Variants in PHACTR1 observed in about 807,000 individuals in gnomAD.
PHACTR1 encodes the protein RPEL repeat containing 1.
Under a neutral mutation model 69.2 loss-of-function variants are expected in PHACTR1, and 16 were observed. That is an observed-to-expected ratio of 0.23 (90% CI 0.16 to 0.35). The LOEUF is 0.35. Ranked by LOEUF, PHACTR1 falls within the 10% of genes least tolerant of loss-of-function variation. The probability of loss-of-function intolerance (pLI) is 1.00; values close to 1 mark genes in which losing one functional copy is unlikely to be tolerated. For synonymous variants in PHACTR1, 312 were observed against 284.5 expected (o/e 1.10, Z -0.97); for missense variants, 510 against 734.7 (o/e 0.69, Z 3.54).
intron 5 of PHACTR1, among the ~76,000 whole-genome samples, chr6:13,159,632 G>T (rs974869187): frequency 6.6e-6 from 1 of 152,132 alleles, no homozygotes; most frequent in Non-Finnish European, 1.5e-5. Flanking sequence ...CATAAATTGG[G>T]GTTCAATTAA....
intron 4 of PHACTR1, among the ~76,000 whole-genome samples, chr6:12,875,954 ATAATAAAGCTAAGGAGGT>A (rs1395865558): frequency 8.5e-5 from 13 of 152,204 alleles, no homozygotes; most frequent in Non-Finnish European, 1.8e-4. Flanking sequence ...GCCCAACGTT[ATAATAAAGCTAAGGAGGT>A]TAGGAACACG....
intron 4 of PHACTR1, among the ~76,000 whole-genome samples, chr6:12,752,122 C>T (rs1294945867): frequency 2.6e-5 from 4 of 152,214 alleles, no homozygotes; most frequent in Admixed American, 2.6e-4. Flanking sequence ...TTTGCGCCAA[C>T]TGCTCACTCC....
intron 11 of PHACTR1, among the ~76,000 whole-genome samples, chr6:13,277,581 G>C (rs1584401947): frequency 6.6e-6 from 1 of 152,144 alleles, no homozygotes; most frequent in African/African-American, 2.4e-5. Flanking sequence ...AAGAATGAGT[G>C]AGCCCCAGTC....
chr6:12,855,094 A>T (rs1183488475), intron 4 of PHACTR1, among the ~76,000 whole-genome samples: 1 of 152,254 alleles, frequency 6.6e-6, no homozygotes, highest in African/African-American at 2.4e-5. Context: ...ACTCATATTT[A>T]TCATAACATT....
intron 12 of PHACTR1, among the ~76,000 whole-genome samples, chr6:13,282,915 C>T (rs552431394): frequency 6.6e-6 from 1 of 151,998 alleles, no homozygotes; most frequent in African/African-American, 2.4e-5. Context: ...TGTTTACTAT[C>T]GATTTGTATA....
chr6:12,933,615 T>A, intron 4 of PHACTR1: 1 of 1,612,018 alleles, frequency 6.2e-7, no homozygotes, highest in Non-Finnish European at 8.5e-7. Flanking sequence ...AATGTCTTCA[T>A]GTTTCCACAA....
intron 4 of PHACTR1, among the ~76,000 whole-genome samples, chr6:12,915,142 C>T (rs1045269186): frequency 6.6e-6 from 1 of 152,106 alleles, no homozygotes; most frequent in Non-Finnish European, 1.5e-5. Context: ...GCTGGGGAGC[C>T]TTTGGATGTC....
At chr6:12,956,445 G>A (rs1791908208) in intron 4 of PHACTR1, among the ~76,000 whole-genome samples, 1 of 152,174 alleles carries the variant, frequency 6.6e-6, no homozygotes, top group African/African-American at 2.4e-5. Flanking sequence ...GACAGGGACT[G>A]GGGGCATTGA....
rs537076110 is a variant in PHACTR1, at chr6:12,933,934, G to A, written c.251-119431G>A. On this transcript the variant is annotated intron_variant, in intron 4 of 14. Transcript: ENST00000332995. ...TGGTCCATATGGGAAGGGAAAATGC[G>A]GGTTGGCGTGTGTATTCATTTCCTA... is the stretch of plus-strand genomic sequence containing the variant. 137 of 1,603,712 alleles carry A rather than the reference G, an allele frequency of 8.5e-5. 1 individual carries two copies. The highest frequency in any genetic ancestry group is 7.3e-4 in the Admixed American group (43 of 59,206).
At chr6:12,904,647 C>T (rs1033954395) in intron 4 of PHACTR1, among the ~76,000 whole-genome samples, 19 of 152,128 alleles carry the variant, frequency 1.2e-4, no homozygotes, top group African/African-American at 4.3e-4. Flanking sequence ...CCTAACACCT[C>T]TTTGACTTGG....
intron 4 of PHACTR1, among the ~76,000 whole-genome samples, chr6:12,991,016 G>A (rs1293734709): frequency 6.6e-6 from 1 of 152,140 alleles, no homozygotes; most frequent in African/African-American, 2.4e-5. Flanking sequence ...GGCGAGGCAG[G>A]CCAAAAAGGC....
At chr6:12,773,781 C>CAAAAATACCT (rs1554136706) in intron 4 of PHACTR1, among the ~76,000 whole-genome samples, 1 of 152,174 alleles carries the variant, frequency 6.6e-6, no homozygotes, top group African/African-American at 2.4e-5. Context: ...CAAACTTTGA[C>CAAAAATACCT]AAAAATACCT....
chr6:13,002,741 C>A (rs569090425), intron 4 of PHACTR1, among the ~76,000 whole-genome samples: 1 of 152,212 alleles, frequency 6.6e-6, no homozygotes, highest in Admixed American at 6.5e-5. Flanking sequence ...TTAATATGCA[C>A]CATTTAAGAA....
intron 4 of PHACTR1, among the ~76,000 whole-genome samples, chr6:12,983,194 G>A (rs1036320558): frequency 6.6e-5 from 10 of 152,298 alleles, no homozygotes; most frequent in Admixed American, 5.2e-4. Flanking sequence ...AATACAAAAA[G>A]AAAGCCTAGT....
chr6:12,831,614 G>A (rs1195811306), intron 4 of PHACTR1, among the ~76,000 whole-genome samples: 5 of 152,084 alleles, frequency 3.3e-5, no homozygotes, highest in African/African-American at 1.2e-4. Flanking sequence ...CCTCATAGGA[G>A]GCCTTGGCCT....
At chr6:12,777,607 A>G (rs968829595) in intron 4 of PHACTR1, among the ~76,000 whole-genome samples, 1 of 143,958 alleles carries the variant, frequency 6.9e-6, no homozygotes, top group Non-Finnish European at 1.5e-5. Context: ...TGGTGTATAT[A>G]TACCACCCTT....
intron 4 of PHACTR1, among the ~76,000 whole-genome samples, chr6:13,004,776 C>T (rs1798578341): frequency 6.6e-6 from 1 of 152,104 alleles, no homozygotes; most frequent in African/African-American, 2.4e-5. Flanking sequence ...TATGTCTGGC[C>T]TGCGTTCACT....
At chr6:12,939,220 T>C (rs1352263307) in intron 4 of PHACTR1, among the ~76,000 whole-genome samples, 5 of 152,200 alleles carry the variant, frequency 3.3e-5, no homozygotes, top group African/African-American at 1.2e-4. Context: ...TGGTAAAGCC[T>C]TTAATTTAGA....
At chr6:13,022,595 A>G (rs1224301605) in intron 4 of PHACTR1, among the ~76,000 whole-genome samples, 4 of 152,140 alleles carry the variant, frequency 2.6e-5, no homozygotes, top group African/African-American at 4.8e-5. Flanking sequence ...TTACAACTGC[A>G]GACTTAAGTT....
Sources: allele counts gnomAD v4.1 joint callset (sites outside exome capture counted in the v4.1 genomes callset), GRCh38; gene constraint gnomAD v4.1.1; transcripts MANE v1.5; gene names NCBI Gene and HGNC (gene_info 2026-07-23, HGNC 2026-07-21).